The following EDIL3 variants were observed in gnomAD, a reference collection of about 807,000 sequenced individuals.
The protein encoded by EDIL3 is EGF-like repeat and discoidin I-like domain-containing protein 3.
Under a neutral mutation model 67.4 loss-of-function variants are expected in EDIL3, and 37 were observed. The observed-to-expected ratio is 0.55, with a 90% CI of 0.42 to 0.72. The LOEUF is 0.72. Among genes scored for constraint, EDIL3 ranks in the 30% least tolerant of loss-of-function variants. The pLI, the probability that EDIL3 is intolerant of heterozygous loss-of-function variation, is 0.00. For missense variants in EDIL3, 527 were observed against 586.3 expected (o/e 0.90, Z 1.04); for synonymous variants, 195 against 196.3 (o/e 0.99, Z 0.05).
intron 1 of EDIL3, among the ~76,000 whole-genome samples, chr5:84,364,510 G>A (rs915006210): frequency 2.0e-5 from 3 of 152,010 alleles, no homozygotes; most frequent in Non-Finnish European, 4.4e-5. Context: ...TTCATCCCTT[G>A]ATGTTATACC....
chr5:84,254,155 G>C lies in EDIL3; in HGVS notation c.125C>G (p.Ala42Gly). 1.9e-6 allele frequency: 3 copies of C among 1,612,838 alleles called. No individual in the cohort carries two copies. Among genetic ancestry groups the C allele is most frequent in the Non-Finnish European group, 2.5e-6 (3 of 1,179,388 alleles). Residue 42 changes from alanine (A) to glycine (G), a missense_variant, in exon 2 of 11, where the codon GCT becomes GGT. Transcript: ENST00000296591. ...ENGGICLPGL[A>G]DGSFSCECPD... ...ACACTCACAGGAAAAGGAACCATCA[G>C]CCAATCCTGGCAAACAGATACCTCC...
At chr5:84,245,799 T>C (rs953886943) in intron 2 of EDIL3, among the ~76,000 whole-genome samples, 1 of 152,016 alleles carries the variant, frequency 6.6e-6, no homozygotes, top group African/African-American at 2.4e-5. Context: ...CATAAGTGTA[T>C]AGAATTATAT....
intron 1 of EDIL3, among the ~76,000 whole-genome samples, chr5:84,297,218 A>G (rs1159144495): frequency 1.3e-5 from 2 of 150,048 alleles, no homozygotes; most frequent in African/African-American, 4.9e-5. Flanking sequence ...AAAAGTGGGT[A>G]GAGGACATAA....
At chr5:84,001,788 A>C (rs1745335780) in intron 9 of EDIL3, among the ~76,000 whole-genome samples, 1 of 152,144 alleles carries the variant, frequency 6.6e-6, no homozygotes, top group Non-Finnish European at 1.5e-5. Context: ...CTCCCATCAA[A>C]GGGGACTTAA....
chr5:84,271,611 C>T (rs765432308), intron 1 of EDIL3, among the ~76,000 whole-genome samples: 2 of 152,040 alleles, frequency 1.3e-5, no homozygotes, highest in African/African-American at 2.4e-5. Context: ...CTGAAATTTA[C>T]TTACCTCTGG....
chr5:84,187,267 T>C (rs1439950036), intron 3 of EDIL3, among the ~76,000 whole-genome samples: 1 of 152,004 alleles, frequency 6.6e-6, no homozygotes, highest in Non-Finnish European at 1.5e-5. Flanking sequence ...TAGATCTATA[T>C]GGTTTGCTAC....
intron 2 of EDIL3, among the ~76,000 whole-genome samples, chr5:84,253,849 T>C (rs1745077493): frequency 6.6e-6 from 1 of 151,838 alleles, no homozygotes; most frequent in Non-Finnish European, 1.5e-5. Flanking sequence ...GTATTATTTG[T>C]AATGTCTTTA....
intron 5 of EDIL3, among the ~76,000 whole-genome samples, chr5:84,117,164 A>G (rs955411885): frequency 6.6e-6 from 1 of 150,640 alleles, no homozygotes; most frequent in African/African-American, 2.4e-5. Context: ...AGTAGCTGGG[A>G]CTACAGGCGC....
intron 2 of EDIL3, among the ~76,000 whole-genome samples, chr5:84,231,734 C>T (rs1251279506): frequency 6.6e-6 from 1 of 152,092 alleles, no homozygotes; most frequent in Admixed American, 6.6e-5. Context: ...AGCTGTTTGC[C>T]GCTTTATCAT....
chr5:84,185,306 T>C (rs923569974), intron 3 of EDIL3, among the ~76,000 whole-genome samples: 3 of 152,122 alleles, frequency 2.0e-5, no homozygotes, highest in Non-Finnish European at 4.4e-5. Context: ...GACTCCAAAA[T>C]GGAAACATTT....
chr5:84,232,534 C>A (rs1024505239), intron 2 of EDIL3, among the ~76,000 whole-genome samples: 1 of 152,226 alleles, frequency 6.6e-6, no homozygotes, highest in Middle Eastern at 3.4e-3. Flanking sequence ...GTAATCAGAA[C>A]CTTTGAAAAA....
chr5:84,135,454 A>G (rs953635135), intron 5 of EDIL3, among the ~76,000 whole-genome samples: 1 of 152,222 alleles, frequency 6.6e-6, no homozygotes, highest in African/African-American at 2.4e-5. Context: ...AGTCACTGAC[A>G]TCAGTTTTTT....
Position 84,106,758 on chromosome 5 carries a change from C to T in EDIL3, c.542G>A (p.Arg181Gln), listed in dbSNP as rs370618954. ...CCATTTTTGGAGTCCAAAAAGAGCT[C>T]GGTGAGTAGAGGAAGCTGTGATTTG... Reference protein sequence around the residue: ...NQQITASSTHRALFGLQKWYP... With the variant: ...NQQITASSTHQALFGLQKWYP... Residue 181 changes from arginine (R) to glutamine (Q), a missense_variant, in exon 6 of 11, where the codon CGA (arginine) becomes CAA (glutamine). Transcript: ENST00000296591. 2 of 1,613,388 alleles carry T rather than the reference C, an allele frequency of 1.2e-6. No homozygotes were observed. Among genetic ancestry groups the T allele is most frequent in the Admixed American group, 1.7e-5 (1 of 59,916 alleles).
intron 9 of EDIL3, among the ~76,000 whole-genome samples, chr5:83,984,978 C>G (rs947762334): frequency 4.7e-5 from 7 of 147,584 alleles, no homozygotes; most frequent in Non-Finnish European, 1.0e-4. Flanking sequence ...CACACACACA[C>G]CCCATAAACA....
rs1023306798 is a variant in EDIL3 at position 84,342,902 on chromosome 5, G to C, written c.67+41406C>G. Among the ~76,000 whole-genome samples the C allele has an allele frequency of 3.9e-5, 6 of 152,024 alleles. 1 individual carries two copies. Among genetic ancestry groups the C allele is most frequent in the Admixed American group, 3.9e-4 (6 of 15,226 alleles). On this transcript the variant is annotated intron_variant, in intron 1 of 10. Coordinates refer to ENST00000296591, the MANE Select transcript of EDIL3 (RefSeq NM_005711.5). ...TGACTTAAAATCAAGCTCTTTGCCAGAACCTTATTACTCATTTTTCATTGT... is the reference window on the plus strand; with the variant it reads ...TGACTTAAAATCAAGCTCTTTGCCACAACCTTATTACTCATTTTTCATTGT...
At chr5:84,210,266 C>G (rs1393967131) in intron 3 of EDIL3, among the ~76,000 whole-genome samples, 4 of 151,896 alleles carry the variant, frequency 2.6e-5, no homozygotes, top group Non-Finnish European at 5.9e-5. Context: ...ACTGATAATA[C>G]TGAAATGAAA....
intron 6 of EDIL3, among the ~76,000 whole-genome samples, chr5:84,087,851 G>C (rs1747099150): frequency 6.6e-6 from 1 of 151,974 alleles, no homozygotes; most frequent in African/African-American, 2.4e-5. Flanking sequence ...TACAGCAATT[G>C]GCACATGGGA....
intron 9 of EDIL3, among the ~76,000 whole-genome samples, chr5:84,000,271 T>C (rs970385430): frequency 1.3e-5 from 2 of 152,130 alleles, no homozygotes; most frequent in East Asian, 1.9e-4. Flanking sequence ...ACTGTAATTG[T>C]AGTGTATAAA....
At chr5:84,248,901 T>C (rs920001860) in intron 2 of EDIL3, among the ~76,000 whole-genome samples, 6 of 152,228 alleles carry the variant, frequency 3.9e-5, no homozygotes, top group African/African-American at 1.4e-4. Context: ...TAGCCTCATC[T>C]GCTGCAATTG....
Sources: allele counts gnomAD v4.1 joint callset (sites outside exome capture counted in the v4.1 genomes callset), GRCh38; gene constraint gnomAD v4.1.1; transcripts MANE v1.5; gene names NCBI Gene and HGNC (gene_info 2026-07-23, HGNC 2026-07-21).